Variants in PDZRN3 observed in about 807,000 individuals in gnomAD.
The protein encoded by PDZRN3 is E3 ubiquitin-protein ligase PDZRN3.
Under a neutral mutation model 85.7 loss-of-function variants are expected in PDZRN3, and 38 were observed. The ratio of observed to expected loss-of-function variants is 0.44; its 90% confidence interval spans 0.34 to 0.58. The LOEUF (loss-of-function observed/expected upper bound fraction) is 0.58. PDZRN3 is among the 20% of genes least tolerant of loss of function. The pLI, the probability that PDZRN3 is intolerant of heterozygous loss-of-function variation, is 0.01. For synonymous variants in PDZRN3, 759 were observed against 638.0 expected, an observed-to-expected ratio of 1.19 and a Z score of -2.86; for missense variants, 1,629 against 1,506.4, an observed-to-expected ratio of 1.08 and a Z score of -1.35.
intron 5 of PDZRN3, 23 bp downstream of exon 5, chr3:73,400,899 T>G: frequency 1.6e-5 from 24 of 1,527,454 alleles, no homozygotes; most frequent in Non-Finnish European, 2.0e-5. Flanking sequence ...ACTCCTAAAA[T>G]GAGACAAGGA....
At chr3:73,388,448 A>AGAAGAAAAAGCAGCAAACTGAGGT (rs751323714) in intron 7 of PDZRN3, among the ~76,000 whole-genome samples, 4 of 152,360 alleles carry the variant, frequency 2.6e-5, no homozygotes, top group Non-Finnish European at 5.9e-5. Context: ...TGGATAATAT[A>AGAAGAAAAAGCAGCAAACTGAGGT]GAAGAAAAAG....
chr3:73,523,065 C>G (rs918042591), intron 3 of PDZRN3, among the ~76,000 whole-genome samples: 6 of 152,176 alleles, frequency 3.9e-5, no homozygotes, highest in Non-Finnish European at 8.8e-5. Flanking sequence ...CTCTGTCGCC[C>G]AGGCTGGAGT....
intron 3 of PDZRN3, among the ~76,000 whole-genome samples, chr3:73,539,808 T>C (rs1442272163): frequency 7.2e-5 from 11 of 152,090 alleles, no homozygotes; most frequent in African/African-American, 2.7e-4. Flanking sequence ...GACACAGACT[T>C]AGTATTTATT....
At chr3:73,583,597 C>A (rs573093324) in intron 3 of PDZRN3, among the ~76,000 whole-genome samples, 4 of 152,232 alleles carry the variant, frequency 2.6e-5, no homozygotes, top group Admixed American at 1.3e-4. Context: ...GCCATAAGCA[C>A]CTTCAGGACC....
At chr3:73,530,015 A>G (rs1441090138) in intron 3 of PDZRN3, among the ~76,000 whole-genome samples, 7 of 152,198 alleles carry the variant, frequency 4.6e-5, no homozygotes, top group African/African-American at 1.7e-4. Context: ...CACCATCATC[A>G]TCATCATTAT....
At chr3:73,470,943 C>T (rs1009919862) in intron 3 of PDZRN3, among the ~76,000 whole-genome samples, 4 of 152,186 alleles carry the variant, frequency 2.6e-5, no homozygotes, top group Admixed American at 2.0e-4. Flanking sequence ...ATAATTGATT[C>T]CATTTTGCAA....
At chr3:73,453,404 C>CAAAAAAAAAAAAA (rs1184407369) in intron 3 of PDZRN3, among the ~76,000 whole-genome samples, 84 of 97,346 alleles carry the variant, frequency 8.6e-4, no homozygotes, top group Non-Finnish European at 1.2e-3. Flanking sequence ...GACTTCGTCT[C>CAAAAAAAAAAAAA]AAAAAAAAAA....
intron 3 of PDZRN3, among the ~76,000 whole-genome samples, chr3:73,542,347 C>A (rs1456086227): frequency 6.6e-6 from 1 of 152,222 alleles, no homozygotes; most frequent in Non-Finnish European, 1.5e-5. Flanking sequence ...CACAATCACA[C>A]TGCCTGGGCA....
chr3:73,398,278 T>C (rs1386479709), intron 5 of PDZRN3, among the ~76,000 whole-genome samples: 1 of 152,186 alleles, frequency 6.6e-6, no homozygotes, highest in Admixed American at 6.5e-5. Flanking sequence ...TATTCGTGAC[T>C]TGGCGGCACA....
Position 73,624,874 on chromosome 3 carries a change from C to T in PDZRN3, c.-49G>A. ...GCCGCCGGGCGGCCGGGCGCCCCCT[C>T]CCTCCCCACGAGGCGGCCCAGACAG... On this transcript the variant is annotated 5_prime_UTR_variant, in exon 1 of 10. Coordinates refer to ENST00000263666, the MANE Select transcript of PDZRN3 (RefSeq NM_015009.3). The T allele has an allele frequency of 5.5e-6, 7 of 1,261,294 alleles. No homozygotes were observed. In the South Asian group the frequency reaches 2.1e-4, roughly 37 times the overall value. 78.1% of individuals were successfully genotyped at this position (1,261,294 alleles called of 1,614,324 possible). A position where few individuals can be genotyped will look rare whatever the true frequency, so the allele number is the denominator to read the frequency against.
chr3:73,490,288 T>C (rs1322083503), intron 3 of PDZRN3, among the ~76,000 whole-genome samples: 1 of 152,176 alleles, frequency 6.6e-6, no homozygotes, highest in Non-Finnish European at 1.5e-5. Flanking sequence ...CCGTTCTGCT[T>C]TGGAGACCAA....
chr3:73,598,560 G>C (rs774781629), intron 3 of PDZRN3, among the ~76,000 whole-genome samples: 1 of 152,158 alleles, frequency 6.6e-6, no homozygotes, highest in Non-Finnish European at 1.5e-5. Flanking sequence ...GAATAGGTAT[G>C]ACCAAAGTCT....
intron 3 of PDZRN3, among the ~76,000 whole-genome samples, chr3:73,601,791 C>G (rs762527912): frequency 1.3e-5 from 2 of 152,252 alleles, no homozygotes; most frequent in Non-Finnish European, 2.9e-5. Context: ...GAATGACGAA[C>G]TGAAAATGGA....
At chr3:73,518,566 C>A (rs1366377398) in intron 3 of PDZRN3, among the ~76,000 whole-genome samples, 1 of 151,944 alleles carries the variant, frequency 6.6e-6, no homozygotes, top group Admixed American at 6.6e-5. Context: ...CTGAGGTATA[C>A]CTACTTTCTC....
chr3:73,592,425 C>G (rs1227286533), intron 3 of PDZRN3, among the ~76,000 whole-genome samples: 1 of 151,910 alleles, frequency 6.6e-6, no homozygotes, highest in Non-Finnish European at 1.5e-5. Flanking sequence ...TGAGTTCTCC[C>G]GATCCCTGAA....
intron 3 of PDZRN3, among the ~76,000 whole-genome samples, chr3:73,600,092 G>C (rs572737257): frequency 1.3e-5 from 2 of 152,286 alleles, no homozygotes; most frequent in Admixed American, 1.3e-4. Context: ...ATGTGGGTAA[G>C]AGCCGCTGCT....
intron 3 of PDZRN3, among the ~76,000 whole-genome samples, chr3:73,455,939 G>C (rs1462408548): frequency 6.6e-6 from 1 of 152,176 alleles, no homozygotes; most frequent in Non-Finnish European, 1.5e-5. Context: ...ATGGGAATTA[G>C]ACTTATTAGT....
At chr3:73,549,337 C>T (rs954506879) in intron 3 of PDZRN3, among the ~76,000 whole-genome samples, 1 of 152,156 alleles carries the variant, frequency 6.6e-6, no homozygotes, top group Admixed American at 6.6e-5. Context: ...TCTCTACCAG[C>T]TAGCAAAGGG....
intron 3 of PDZRN3, among the ~76,000 whole-genome samples, chr3:73,473,053 T>C (rs1703377250): frequency 6.6e-6 from 1 of 152,174 alleles, no homozygotes. Context: ...ACCTGAGCCT[T>C]ATCACTGAAG....
Sources: gnomAD v4.1 joint callset for allele counts (sites outside exome capture counted in the v4.1 genomes callset) on GRCh38, gnomAD v4.1.1 for gene constraint, MANE v1.5 for transcripts, NCBI Gene and HGNC (gene_info 2026-07-23, HGNC 2026-07-21) for gene names.